TENM1: variants seen among roughly 807,000 people sequenced by gnomAD.
TENM1 encodes the protein teneurin-1.
A neutral mutation model predicts 174.8 loss-of-function variants in TENM1; 35 were observed. The observed-to-expected ratio is 0.20, with a 90% CI of 0.15 to 0.27. The LOEUF is 0.27. Ranked by LOEUF, TENM1 falls within the 10% of genes least tolerant of loss-of-function variation. TENM1 has a pLI of 1.00. For missense variants in TENM1, 1,633 were observed against 2,130.1 expected (o/e 0.77, Z 4.59); for synonymous variants, 781 against 798.7 (o/e 0.98, Z 0.37).
At chrX:125,016,318 C>T in the TENM1 span, among the ~76,000 whole-genome samples, 4 of 111,140 alleles carry the variant, frequency 3.6e-5, no homozygotes, top group Admixed American at 9.6e-5. Context: ...AAAACCCCAT[C>T]GTCTCAGCCC....
At chrX:124,806,234 T>C (rs989557732) in intron 3 of TENM1, among the ~76,000 whole-genome samples, 6 of 111,675 alleles carry the variant, frequency 5.4e-5, no homozygotes, top group African/African-American at 2.0e-4. Context: ...AGAAATAATA[T>C]GTGAACTTAG....
At chrX:124,886,103 AT>A (rs927736685) in intron 3 of TENM1, among the ~76,000 whole-genome samples, 1 of 111,824 alleles carries the variant, frequency 8.9e-6, no homozygotes, top group African/African-American at 3.2e-5. Flanking sequence ...TCAGATGACA[AT>A]GTTGTCATTT....
the TENM1 span, among the ~76,000 whole-genome samples, chrX:125,193,415 C>A: frequency 8.9e-6 from 1 of 111,771 alleles, no homozygotes; most frequent in Non-Finnish European, 1.9e-5. Context: ...GAGATGGGGT[C>A]TTGCTATGTT....
At chrX:125,147,272 A>G in the TENM1 span, among the ~76,000 whole-genome samples, 1 of 109,619 alleles carries the variant, frequency 9.1e-6, no homozygotes, top group Non-Finnish European at 1.9e-5. Context: ...ATATATCTAC[A>G]TAAGTATAGT....
At chrX:124,851,480 C>T (rs769264651) in intron 3 of TENM1, among the ~76,000 whole-genome samples, 1 of 111,512 alleles carries the variant, frequency 9.0e-6, no homozygotes, top group East Asian at 2.8e-4. Context: ...ATACACAACA[C>T]AATAGCAAAC....
intron 3 of TENM1, among the ~76,000 whole-genome samples, chrX:124,877,085 A>G (rs2057216920): frequency 8.9e-6 from 1 of 112,537 alleles, no homozygotes; most frequent in African/African-American, 3.2e-5. Flanking sequence ...TCCAGAATCA[A>G]TAAAGGACAT....
the TENM1 span, among the ~76,000 whole-genome samples, chrX:125,015,178 C>T: frequency 9.0e-6 from 1 of 111,331 alleles, no homozygotes. Flanking sequence ...GGTGTTTAGG[C>T]ATGACAAATA....
At chrX:125,135,965 CAT>C in the TENM1 span, among the ~76,000 whole-genome samples, 3,021 of 111,866 alleles carry the variant, frequency 0.027, 57 homozygotes, top group Non-Finnish European at 0.045. Flanking sequence ...GGTAAATAGA[CAT>C]GAGTTCTACC....
chrX:124,877,961 T>C (rs922612834), intron 3 of TENM1, among the ~76,000 whole-genome samples: 1 of 111,737 alleles, frequency 8.9e-6, no homozygotes, highest in African/African-American at 3.3e-5. Context: ...ATATTTACTA[T>C]TAATTAAGTG....
chrX:125,194,144 C>T, the TENM1 span, among the ~76,000 whole-genome samples: 1 of 111,150 alleles, frequency 9.0e-6, no homozygotes, highest in African/African-American at 3.3e-5. Context: ...TGGTGTCTCA[C>T]ATCGAATAAG....
chrX:124,756,682 T>A (rs1408052833), intron 3 of TENM1, among the ~76,000 whole-genome samples: 1 of 111,112 alleles, frequency 9.0e-6, no homozygotes, highest in Non-Finnish European at 1.9e-5. Flanking sequence ...TGGATGTCCT[T>A]TCTGTTTGTT....
At chrX:124,989,779 G>A in the TENM1 span, among the ~76,000 whole-genome samples, 5 of 110,325 alleles carry the variant, frequency 4.5e-5, no homozygotes, top group African/African-American at 1.6e-4. Flanking sequence ...AGACATATGA[G>A]ATATATTTAT....
At position 124,787,507 on chromosome X, in the gene TENM1, C is replaced by T. The variant is rs1209512560; in HGVS notation, c.536-50310G>A. Among the ~76,000 whole-genome samples, 4 of 111,086 alleles carry T rather than the reference C, an allele frequency of 3.6e-5. No homozygotes were observed. In the Admixed American group the frequency reaches 3.8e-4, roughly 11 times the overall value. ...CTCTTGATGTAGGTGATATCCATTGCTTATGGTATCAGAATCCACCTCCAT... is the reference window on the plus strand; with the variant it reads ...CTCTTGATGTAGGTGATATCCATTGTTTATGGTATCAGAATCCACCTCCAT... On this transcript the variant is annotated intron_variant, in intron 3 of 31. Coordinates refer to ENST00000422452, the Ensembl canonical transcript of TENM1.
rs763778463 is a variant in TENM1 at position 124,406,851 on chromosome X, C to T, written c.4983-362G>A. ...CATTAGAGGTGATGGATTACAAAAC[C>T]CAGCAGAGGGTGCTGTTGTCAAAGC... On this transcript the variant is annotated intron_variant, in intron 25 of 31. Coordinates refer to ENST00000422452, the Ensembl canonical transcript of TENM1. 2.7e-5 allele frequency among the ~76,000 whole-genome samples: 3 copies of T among 111,355 alleles called. No individual in the cohort carries two copies. The East Asian group carries it at 8.5e-4, about 32-fold the overall frequency.
chrX:125,062,755 A>T, the TENM1 span, among the ~76,000 whole-genome samples: 1 of 111,912 alleles, frequency 8.9e-6, no homozygotes, highest in Non-Finnish European at 1.9e-5. Context: ...AAGAATATTG[A>T]CTTAGCTCTG....
intron 3 of TENM1, among the ~76,000 whole-genome samples, chrX:124,816,702 C>T (rs1221132751): frequency 1.8e-5 from 2 of 110,619 alleles, no homozygotes; most frequent in African/African-American, 6.6e-5. Context: ...CTCTAAGATT[C>T]AAAAAAATTA....
the TENM1 span, among the ~76,000 whole-genome samples, chrX:125,063,497 G>A: frequency 2.2e-4 from 25 of 111,673 alleles, no homozygotes; most frequent in African/African-American, 6.2e-4. Flanking sequence ...ACAAGTGGGC[G>A]AAGCATATGA....
At chrX:124,884,240 G>A (rs772275811) in intron 3 of TENM1, among the ~76,000 whole-genome samples, 2 of 110,919 alleles carry the variant, frequency 1.8e-5, no homozygotes, top group Non-Finnish European at 3.8e-5. Flanking sequence ...AGCCAGCTGC[G>A]GTGGTGGCTG....
intron 1 of TENM1, among the ~76,000 whole-genome samples, chrX:124,922,894 G>A (rs1432017609): frequency 1.8e-5 from 2 of 111,049 alleles, no homozygotes; most frequent in East Asian, 2.8e-4. Flanking sequence ...CAGAATTCTT[G>A]TCAGAGGATG....
Sources: gnomAD v4.1 joint callset for allele counts (sites outside exome capture counted in the v4.1 genomes callset) on GRCh38, gnomAD v4.1.1 for gene constraint, MANE v1.5 for transcripts, NCBI Gene and HGNC (gene_info 2026-07-23, HGNC 2026-07-21) for gene names.